The following GPX4 variants were observed in gnomAD, a reference collection of about 807,000 sequenced individuals.
GPX4 encodes the protein phospholipid hydroperoxide glutathione peroxidase GPX4.
Under a neutral mutation model 27.8 loss-of-function variants are expected in GPX4, and 28 were observed. That is an observed-to-expected ratio of 1.01 (90% confidence interval 0.75 to 1.38). GPX4 has a LOEUF of 1.38. Ranked by LOEUF, GPX4 falls within the 40% of genes most tolerant of loss-of-function variation. The probability of loss-of-function intolerance (pLI) is 0.00; values close to 1 mark genes in which losing one functional copy is unlikely to be tolerated. For synonymous variants in GPX4, 163 were observed against 107.8 expected (o/e 1.51, Z -3.17); for missense variants, 357 against 274.1 (o/e 1.30, Z -2.14).
rs757133049 is a variant in GPX4, at chr19:1,106,394, C to G, written c.502-6C>G. The G allele has an allele frequency of 6.2e-7, 1 of 1,613,532 alleles. No homozygotes were observed. The highest frequency in any genetic ancestry group is 8.5e-7 in the Non-Finnish European group (1 of 1,179,948). ...GCCCCACAGTTTGGACACCGTCTCT[C>G]CACAGTTCCTCATCGACAAGAACGG... On this transcript the variant is annotated splice_polypyrimidine_tract_variant and splice_region_variant and intron_variant, in intron 5 of 6. Transcript: ENST00000354171.
intron 1 of GPX4, 167 bp downstream of exon 1, chr19:1,104,294 G>A (rs1235145452): frequency 1.7e-5 from 10 of 600,182 alleles, no homozygotes; most frequent in Non-Finnish European, 2.4e-5. Context: ...GCGGGTGACC[G>A]TACTGCGACG....
intron 1 of GPX4, chr19:1,104,584 T>A: frequency 1.0e-6 from 1 of 969,916 alleles, no homozygotes; most frequent in Non-Finnish European, 1.2e-6. Flanking sequence ...AAATCCCGGA[T>A]CACGCGCCCC....
intron 4 of GPX4, 50 bp downstream of exon 4, chr19:1,105,859 C>A: frequency 7.0e-7 from 1 of 1,433,032 alleles, no homozygotes; most frequent in African/African-American, 1.4e-5. Context: ...GGTGGGGGGG[C>A]TGCTGGGATG....
Position 1,105,353 on chromosome 19 carries a change from C to A in GPX4, c.180-13C>A, listed in dbSNP as rs1430857081. The A allele has an allele frequency of 1.2e-6, 2 of 1,611,510 alleles. No individual in the cohort carries two copies. On this transcript the variant is annotated splice_polypyrimidine_tract_variant and intron_variant, in intron 2 of 6. Coordinates refer to ENST00000354171, the MANE Select transcript of GPX4 (RefSeq NM_002085.5). Reference sequence around the variant, plus strand: ...GCCGTGTTCTTCTGCGCTGACGCCGCCGATCCTCGCAGGGGCTTCGTGTGC... The same window carrying A: ...GCCGTGTTCTTCTGCGCTGACGCCGACGATCCTCGCAGGGGCTTCGTGTGC...
intron 1 of GPX4, 196 bp from the exon 2 acceptor site, chr19:1,104,990 G>T: frequency 6.8e-7 from 1 of 1,468,090 alleles, no homozygotes. Context: ...ACCCTCTCCC[G>T]GCCTCCGGGT....
intron 1 of GPX4, 54 bp downstream of exon 1, chr19:1,104,181 G>A: frequency 7.4e-7 from 1 of 1,343,664 alleles, no homozygotes; most frequent in Admixed American, 3.6e-5. Flanking sequence ...GCGGGCGCGC[G>A]ATCCCTGCCT....
chr19:1,105,199 A>G lies in GPX4; in HGVS notation c.98A>G (p.Asp33Gly). ...TTTGCCTTGCAGTGCGCGTCCCGGG[A>G]CGACTGGCGCTGTGCGCGCTCCATG... ...GLAGTMCASRDDWRCARSMHE... is the reference protein window; with the variant it reads ...GLAGTMCASRGDWRCARSMHE... Residue 33 changes from aspartate (D) to glycine (G), a missense_variant, in exon 2 of 7, where the codon GAC (aspartate) becomes GGC (glycine). Transcript: ENST00000354171. 6.2e-7 allele frequency: 1 copy of G among 1,612,882 alleles called. No homozygotes were observed. Among genetic ancestry groups the G allele is most frequent in the Non-Finnish European group, 8.5e-7 (1 of 1,179,882 alleles).
At chr19:1,104,905 C>A (rs377091174) in intron 1 of GPX4, 2 of 1,382,342 alleles carry the variant, frequency 1.4e-6, no homozygotes, top group Non-Finnish European at 1.9e-6. Context: ...CGGAGATCCA[C>A]GAATGTCCCA....
chr19:1,104,881 C>T (rs2079629183), intron 1 of GPX4: 4 of 1,306,136 alleles, frequency 3.1e-6, no homozygotes, highest in Non-Finnish European at 4.0e-6. Context: ...AGCCCTGTCC[C>T]CGCAGCTTGC....
chr19:1,104,064 C>T lies in GPX4; in HGVS notation c.21C>T (p.Cys7=), dbSNP rs1226046828. The T allele has an allele frequency of 2.6e-6, 4 of 1,519,572 alleles. No homozygotes were observed. The highest frequency in any genetic ancestry group is 1.4e-5 in the African/African-American group (1 of 70,462). 94.1% of individuals were successfully genotyped at this position (1,519,572 alleles called of 1,614,324 possible). The change falls in exon 1 of 7, where the codon TGC becomes TGT. Residue 7 remains cysteine, a synonymous_variant. Transcript: ENST00000354171. ...CCGCGATGAGCCTCGGCCGCCTTTG[C>T]CGCCTACTGAAGCCGGCGCTGCTCT... MSLGRL[C]RLLKPALLCG...
In GPX4 at chr19:1,106,639, G is replaced by A; in HGVS notation, c.*67G>A. 6.2e-7 allele frequency: 1 copy of A among 1,600,638 alleles called. No homozygotes were observed. The highest frequency in any genetic ancestry group is 8.5e-7 in the Non-Finnish European group (1 of 1,173,960). On this transcript the variant is annotated 3_prime_UTR_variant, in exon 7 of 7. Coordinates refer to ENST00000354171, the MANE Select transcript of GPX4 (RefSeq NM_002085.5). ...CTTGGAGCCTTCCACCGGCACTCAT[G>A]ACGGCCTGCCTGCAAACCTGCTGGT...
rs1214662700 is a variant in GPX4 at position 1,105,221 on chromosome 19, C to T, written c.120C>T (p.Ser40=). 6.8e-6 allele frequency: 11 copies of T among 1,613,074 alleles called. No homozygotes were observed. Among genetic ancestry groups the T allele is most frequent in the Non-Finnish European group, 9.3e-6 (11 of 1,179,906 alleles). The change falls in exon 2 of 7, where the codon TCC becomes TCT. Residue 40 remains serine (S), a synonymous_variant. Transcript: ENST00000354171. ...ASRDDWRCAR[S]MHEFSAKDID... is the part of the protein sequence containing the mutation. ...GGGACGACTGGCGCTGTGCGCGCTC[C>T]ATGCACGAGTTTTCCGCCAAGGACA...
chr19:1,104,738 G>C (rs1253942095), intron 1 of GPX4: 1 of 985,526 alleles, frequency 1.0e-6, no homozygotes, highest in African/African-American at 1.8e-5. Flanking sequence ...GGCGGGTATG[G>C]GCCGCGCGGG....
At chr19:1,104,686 T>C (rs2079626587) in intron 1 of GPX4, 1 of 984,172 alleles carries the variant, frequency 1.0e-6, no homozygotes, top group Middle Eastern at 5.2e-4. Context: ...TTGTCCCCGC[T>C]AGCGGCGCTC....
Position 1,105,184 on chromosome 19 carries a change from A to G in GPX4, c.85-2A>G. The G allele has an allele frequency of 1.9e-6, 3 of 1,612,808 alleles. No individual in the cohort carries two copies. The highest frequency in any genetic ancestry group is 2.5e-6 in the Non-Finnish European group (3 of 1,179,810). On this transcript the variant is annotated splice_acceptor_variant, in intron 1 of 6. Coordinates refer to ENST00000354171, the MANE Select transcript of GPX4 (RefSeq NM_002085.5). LOFTEE classifies it high-confidence loss of function. ...CCCTGCTCAGCTTCCTTTGCCTTGC[A>G]GTGCGCGTCCCGGGACGACTGGCGC...
Position 1,106,662 on chromosome 19 carries a change from G to T in GPX4, c.*90G>T, listed in dbSNP as rs2079662897. 6.4e-7 allele frequency: 1 copy of T among 1,563,242 alleles called. No individual in the cohort carries two copies. Among genetic ancestry groups the T allele is most frequent in the Non-Finnish European group, 8.7e-7 (1 of 1,148,414 alleles). On this transcript the variant is annotated 3_prime_UTR_variant, in exon 7 of 7. Transcript: ENST00000354171. ...ATGACGGCCTGCCTGCAAACCTGCTGGTGGGGCAGACCCGAAAATCCAGCG... is the reference window on the plus strand; with the variant it reads ...ATGACGGCCTGCCTGCAAACCTGCTTGTGGGGCAGACCCGAAAATCCAGCG...
rs756571473 is a variant in GPX4 at position 1,105,200 on chromosome 19, C to T, written c.99C>T (p.Asp33=). The change falls in exon 2 of 7, where the codon GAC becomes GAT. Residue 33 remains aspartate (D), a synonymous_variant. Transcript: ENST00000354171. ...GLAGTMCASR[D]DWRCARSMHE... ...TTGCCTTGCAGTGCGCGTCCCGGGACGACTGGCGCTGTGCGCGCTCCATGC... is the reference window on the plus strand; with the variant it reads ...TTGCCTTGCAGTGCGCGTCCCGGGATGACTGGCGCTGTGCGCGCTCCATGC... 1 of 1,613,032 alleles carries T rather than the reference C, an allele frequency of 6.2e-7. No individual in the cohort carries two copies. Among genetic ancestry groups the T allele is most frequent in the South Asian group, 1.1e-5 (1 of 91,088 alleles).
intron 1 of GPX4, 114 bp downstream of exon 1, chr19:1,104,241 G>A: frequency 7.8e-6 from 7 of 897,694 alleles, no homozygotes; most frequent in Non-Finnish European, 1.1e-5. Context: ...TTGGTGGGGG[G>A]CGTCTGGGGG....
At chr19:1,104,236 G>C (rs953182136) in intron 1 of GPX4, 109 bp downstream of exon 1, 12 of 998,120 alleles carry the variant, frequency 1.2e-5, no homozygotes, top group Admixed American at 4.2e-5. Context: ...TGACCTTGGT[G>C]GGGGGCGTCT....
Sources: allele counts gnomAD v4.1 joint callset, GRCh38; gene constraint gnomAD v4.1.1; transcripts MANE v1.5; gene names NCBI Gene and HGNC (gene_info 2026-07-23, HGNC 2026-07-21).